Variants in TBK1 observed in about 807,000 individuals in gnomAD.
TBK1 encodes serine/threonine-protein kinase TBK1.
Under a neutral mutation model 99.9 loss-of-function variants are expected in TBK1, and 37 were observed. The ratio of observed to expected loss-of-function variants is 0.37; its 90% CI spans 0.28 to 0.49. The LOEUF is 0.49. Ranked by LOEUF, TBK1 falls within the 20% of genes least tolerant of loss-of-function variation. TBK1 has a pLI of 0.98. For missense variants in TBK1, 644 were observed against 872.5 expected, an observed-to-expected ratio of 0.74 and a Z score of 3.30; for synonymous variants, 258 against 279.8, an observed-to-expected ratio of 0.92 and a Z score of 0.78.
At chr12:64,491,278 C>T (rs575650739) in intron 13 of TBK1, among the ~76,000 whole-genome samples, 1 of 152,100 alleles carries the variant, frequency 6.6e-6, no homozygotes, top group East Asian at 1.9e-4. Context: ...AATTTCTTAC[C>T]CTGCCCGTCT....
chr12:64,488,674 T>C, intron 12 of TBK1, 86 bp downstream of exon 12: 9 of 920,246 alleles, frequency 9.8e-6, no homozygotes, highest in South Asian at 6.5e-5. Flanking sequence ...CTTGGCACAA[T>C]ATGGCATGCT....
At chr12:64,460,711 G>A (rs2040539482) in intron 3 of TBK1, among the ~76,000 whole-genome samples, 1 of 151,602 alleles carries the variant, frequency 6.6e-6, no homozygotes, top group African/African-American at 2.4e-5. Context: ...GTGCGCACCT[G>A]TAGTTCCAGC....
intron 7 of TBK1, 55 bp from the exon 8 acceptor site, chr12:64,481,787 C>T: frequency 8.0e-7 from 1 of 1,253,354 alleles, no homozygotes; most frequent in Non-Finnish European, 1.1e-6. Flanking sequence ...GATTTTTTAA[C>T]CTAGACAGAA....
At chr12:64,494,125 A>G (rs1013352493) in intron 13 of TBK1, among the ~76,000 whole-genome samples, 6 of 152,176 alleles carry the variant, frequency 3.9e-5, no homozygotes, top group African/African-American at 1.4e-4. Flanking sequence ...CATTAATGTT[A>G]AAACAGACAT....
intron 5 of TBK1, among the ~76,000 whole-genome samples, chr12:64,468,423 G>A (rs1378478241): frequency 1.3e-5 from 2 of 151,920 alleles, no homozygotes; most frequent in African/African-American, 4.8e-5. Flanking sequence ...CCTGGGAGGT[G>A]GAGGTTTCAG....
At chr12:64,496,237 A>G (rs1306044056) in intron 15 of TBK1, 130 bp from the exon 16 acceptor site, 2 of 407,878 alleles carry the variant, frequency 4.9e-6, no homozygotes, top group Non-Finnish European at 8.9e-6. Context: ...TAAGTAACCA[A>G]TGAGCCACAA....
intron 20 of TBK1, among the ~76,000 whole-genome samples, chr12:64,500,465 A>AT (rs987722915): frequency 7.3e-5 from 11 of 151,708 alleles, no homozygotes; most frequent in African/African-American, 2.7e-4. Context: ...GTAATAACCT[A>AT]TTTTTTTTCT....
At chr12:64,468,578 G>A (rs1381004023) in intron 5 of TBK1, among the ~76,000 whole-genome samples, 3 of 151,930 alleles carry the variant, frequency 2.0e-5, no homozygotes, top group Non-Finnish European at 4.4e-5. Context: ...ACCAGATACT[G>A]TTCTAGGTGC....
chr12:64,464,521 T>A (rs975435837), intron 4 of TBK1, 58 bp downstream of exon 4: 13 of 1,368,364 alleles, frequency 9.5e-6, no homozygotes, highest in South Asian at 1.5e-5. Flanking sequence ...ACAGAATTTT[T>A]AAAAAATATC....
intron 12 of TBK1, 129 bp from the exon 13 acceptor site, chr12:64,489,912 T>C: frequency 1.6e-6 from 1 of 610,822 alleles, no homozygotes; most frequent in Non-Finnish European, 2.7e-6. Flanking sequence ...TGCTGGCTTA[T>C]AGACTTTGAA....
rs2136092310 is a variant in TBK1 at position 64,501,391 on chromosome 12, A to G, written c.*10A>G. On this transcript the variant is annotated 3_prime_UTR_variant, in exon 21 of 21. Coordinates refer to ENST00000331710, the MANE Select transcript of TBK1 (RefSeq NM_013254.4). Reference sequence around the variant, plus strand: ...CGTTGACTGTCTTTAGCTTTCTAATAGAAGTTTAAGAAAAGTTTCCGTTTG... The same window carrying G: ...CGTTGACTGTCTTTAGCTTTCTAATGGAAGTTTAAGAAAAGTTTCCGTTTG... 1.9e-6 allele frequency: 3 copies of G among 1,612,686 alleles called. No individual in the cohort carries two copies. Among genetic ancestry groups the G allele is most frequent in the East Asian group, 4.5e-5 (2 of 44,850 alleles).
At chr12:64,484,268 CAGTTAT>C (rs770835175) in intron 8 of TBK1, 29 bp from the exon 9 acceptor site, 4 of 1,428,856 alleles carry the variant, frequency 2.8e-6, no homozygotes, top group Non-Finnish European at 3.9e-6. Flanking sequence ...ACTTTATCCC[CAGTTAT>C]AGTGTCCTTT....
chr12:64,465,344 A>C (rs2040592579), intron 4 of TBK1, among the ~76,000 whole-genome samples: 2 of 151,948 alleles, frequency 1.3e-5, no homozygotes, highest in African/African-American at 2.4e-5. Context: ...CCATTCTAGA[A>C]AACAGTCTAG....
intron 8 of TBK1, among the ~76,000 whole-genome samples, chr12:64,482,973 A>G (rs2040782460): frequency 6.6e-6 from 1 of 152,226 alleles, no homozygotes; most frequent in Non-Finnish European, 1.5e-5. Context: ...ATGCTTTGCT[A>G]TATGCAGGAT....
intron 12 of TBK1, among the ~76,000 whole-genome samples, chr12:64,489,837 A>G (rs1341627658): frequency 6.6e-6 from 1 of 151,286 alleles, no homozygotes; most frequent in Non-Finnish European, 1.5e-5. Context: ...TGACCTCCCA[A>G]GGTGCTGGAA....
intron 6 of TBK1, among the ~76,000 whole-genome samples, chr12:64,478,088 C>CA (rs1351324763): frequency 6.6e-6 from 1 of 152,198 alleles, no homozygotes; most frequent in East Asian, 1.9e-4. Context: ...CTAACCTGTC[C>CA]AACCATTCTT....
chr12:64,465,708 A>G (rs1372485235), intron 4 of TBK1, among the ~76,000 whole-genome samples: 1 of 152,208 alleles, frequency 6.6e-6, no homozygotes, highest in Non-Finnish European at 1.5e-5. Context: ...GATTCCATTT[A>G]TATGAAATGT....
At chr12:64,470,314 A>T (rs1053655850) in intron 5 of TBK1, among the ~76,000 whole-genome samples, 2 of 152,194 alleles carry the variant, frequency 1.3e-5, no homozygotes, top group African/African-American at 4.8e-5. Flanking sequence ...AATGTAAAGG[A>T]ACATATTTTA....
At chr12:64,453,538 A>T (rs1247359417) in intron 1 of TBK1, among the ~76,000 whole-genome samples, 1 of 152,214 alleles carries the variant, frequency 6.6e-6, no homozygotes, top group Non-Finnish European at 1.5e-5. Context: ...AATTATATAA[A>T]AATATCCTAC....
Sources: allele counts gnomAD v4.1 joint callset (sites outside exome capture counted in the v4.1 genomes callset), GRCh38; gene constraint gnomAD v4.1.1; transcripts MANE v1.5; gene names NCBI Gene and HGNC (gene_info 2026-07-23, HGNC 2026-07-21).